The following FRK variants were observed in gnomAD, a reference collection of about 807,000 sequenced individuals.
FRK encodes the protein fyn related Src family tyrosine kinase, also known as tyrosine-protein kinase FRK.
In FRK, 51 loss-of-function variants were observed where a neutral mutation model predicts 56.4. That is an observed-to-expected ratio of 0.90 (90% CI 0.72 to 1.14). The LOEUF is 1.14. FRK is among the 50% of genes most tolerant of loss of function. The pLI, the probability that FRK is intolerant of heterozygous loss-of-function variation, is 0.00. For missense variants in FRK, 570 were observed against 601.4 expected, an observed-to-expected ratio of 0.95 and a Z score of 0.55; for synonymous variants, 245 against 217.9, an observed-to-expected ratio of 1.12 and a Z score of -1.10.
At chr6:116,092,737 C>T in the FRK span, among the ~76,000 whole-genome samples, 96 of 152,232 alleles carry the variant, frequency 6.3e-4, no homozygotes, top group Non-Finnish European at 9.3e-4. Context: ...GCAACTATTC[C>T]GATCAGCAGG....
At chr6:115,953,988 A>T (rs1772891419) in intron 5 of FRK, among the ~76,000 whole-genome samples, 1 of 152,242 alleles carries the variant, frequency 6.6e-6, no homozygotes, top group African/African-American at 2.4e-5. Flanking sequence ...AGATAAAATA[A>T]AAAGCAAGGG....
the FRK span, among the ~76,000 whole-genome samples, chr6:116,087,222 A>G: frequency 6.6e-6 from 1 of 152,208 alleles, no homozygotes; most frequent in African/African-American, 2.4e-5. Flanking sequence ...TTTTTATGGT[A>G]GCTACCATAG....
In FRK at chr6:115,968,672, C is replaced by T. The variant is rs201622961; in HGVS notation, c.534G>A (p.Thr178=). 4.1e-5 allele frequency: 66 copies of T among 1,613,720 alleles called. No homozygotes were observed. The Admixed American group carries it at 4.2e-4, about 10-fold the overall frequency. ...TCAGTGTTGAAAAGATTCTTCTTCG[C>T]GTGAGAAAAAATCCCCCTTCATCCA... The part of the protein sequence containing the change: ...KRLDEGGFFL[T]RRRIFSTLNE... Residue 178 remains threonine (T), a synonymous_variant, in exon 3 of 8, where the codon ACG becomes ACA. Coordinates refer to ENST00000606080, the MANE Select transcript of FRK (RefSeq NM_002031.3).
At chr6:116,000,120 T>TAG (rs1774996533) in intron 2 of FRK, among the ~76,000 whole-genome samples, 1 of 152,044 alleles carries the variant, frequency 6.6e-6, no homozygotes, top group Admixed American at 6.6e-5. Context: ...ACATTCTACT[T>TAG]AGAGAGTATT....
intron 1 of FRK, among the ~76,000 whole-genome samples, chr6:116,041,156 G>T (rs530486074): frequency 2.0e-4 from 31 of 152,320 alleles, no homozygotes; most frequent in Non-Finnish European, 4.1e-4. Flanking sequence ...AGATAGCACA[G>T]AGTTCAAAGT....
chr6:115,939,329 T>C lies in FRK; in HGVS notation c.*3085A>G, dbSNP rs536710590. 2.7e-4 allele frequency: 41 copies of C among 152,272 alleles called. No homozygotes were observed. The highest frequency in any genetic ancestry group is 8.9e-4 in the African/African-American group (37 of 41,562). The allele number at this position is 152,272 out of a possible 1,614,324, so 9.4% of individuals were successfully genotyped here. On this transcript the variant is annotated 3_prime_UTR_variant, in exon 8 of 8. Coordinates refer to ENST00000606080, the MANE Select transcript of FRK (RefSeq NM_002031.3). ...CAATAAACTAGGTATTGATGGAACGTAGCTCAAAAAAAATGACAGATTTAA... is the reference window on the plus strand; with the variant it reads ...CAATAAACTAGGTATTGATGGAACGCAGCTCAAAAAAAATGACAGATTTAA...
chr6:115,967,680 C>T lies in FRK; in HGVS notation c.670G>A (p.Val224Met), dbSNP rs555269385. 1.6e-5 allele frequency: 25 copies of T among 1,610,844 alleles called. No homozygotes were observed. The highest frequency in any genetic ancestry group is 1.1e-4 in the East Asian group (5 of 44,802). The change falls in exon 4 of 8, where the codon GTG becomes ATG. Residue 224 changes from valine (V) to methionine (M), a missense_variant. Val to Met is a conservative substitution (Grantham distance 21). Coordinates refer to ENST00000606080, the MANE Select transcript of FRK (RefSeq NM_002031.3). The part of the protein sequence containing the change: ...PAPFDLSYKT[V>M]DQWEIDRNSI... ...TTGCGGTCTATCTCCCATTGGTCCACGGTTTTATACGACAAATCAAATGGA... is the reference window on the plus strand; with the variant it reads ...TTGCGGTCTATCTCCCATTGGTCCATGGTTTTATACGACAAATCAAATGGA...
chr6:115,981,278 T>C (rs1343261447), intron 2 of FRK, among the ~76,000 whole-genome samples: 1 of 152,112 alleles, frequency 6.6e-6, no homozygotes, highest in Non-Finnish European at 1.5e-5. Flanking sequence ...GAAAAGAGAA[T>C]ATGATATGTG....
intron 5 of FRK, among the ~76,000 whole-genome samples, chr6:115,949,546 T>C (rs1042717158): frequency 3.9e-5 from 6 of 152,194 alleles, no homozygotes; most frequent in African/African-American, 1.4e-4. Flanking sequence ...CACAGACAAA[T>C]GGAAAAATAT....
rs149341971 is a variant in FRK, at chr6:115,943,148, A to C, written c.1178T>G (p.Ile393Arg). ...CGCAGTCCACTTCACCGGCAGCTTT[A>C]TTTCGTGTCTAGATTCATAGATGTC... ...NEDIYESRHE[I>R]KLPVKWTAPE... Residue 393 changes from isoleucine to arginine, a missense_variant, in exon 7 of 8, where the codon ATA becomes AGA. By Grantham distance (97) the Ile-to-Arg change is moderately conservative. Transcript: ENST00000606080. 3.1e-4 allele frequency: 502 copies of C among 1,612,568 alleles called. 1 individual carries two copies. The Middle Eastern group carries it at 4.1e-3, about 13-fold the overall frequency.
chr6:116,061,768 T>C (rs758469208), upstream of FRK, among the ~76,000 whole-genome samples: 7 of 152,116 alleles, frequency 4.6e-5, no homozygotes, highest in Non-Finnish European at 1.0e-4. Flanking sequence ...GAAGTGTCAC[T>C]GATCTCTCTA....
intron 5 of FRK, among the ~76,000 whole-genome samples, chr6:115,951,061 C>G (rs1772727731): frequency 6.6e-6 from 1 of 152,064 alleles, no homozygotes; most frequent in South Asian, 2.1e-4. Flanking sequence ...GGAGAAATAC[C>G]TAATGTAGAT....
chr6:116,005,458 C>A (rs1249045987), intron 1 of FRK, among the ~76,000 whole-genome samples: 1 of 152,126 alleles, frequency 6.6e-6, no homozygotes, highest in Non-Finnish European at 1.5e-5. Flanking sequence ...TTTAAAGATT[C>A]TACTCAGGAA....
intron 5 of FRK, among the ~76,000 whole-genome samples, chr6:115,946,240 C>A (rs183791052): frequency 6.6e-6 from 1 of 152,064 alleles, no homozygotes; most frequent in Admixed American, 6.6e-5. Context: ...GGCCAGGAAA[C>A]CTGGTTTGAA....
At chr6:115,944,896 G>C (rs1047265224) in intron 5 of FRK, among the ~76,000 whole-genome samples, 3 of 151,932 alleles carry the variant, frequency 2.0e-5, no homozygotes, top group African/African-American at 7.3e-5. Context: ...CCCTCTCATA[G>C]GACCCAGTAT....
At chr6:116,076,413 T>C in the FRK span, among the ~76,000 whole-genome samples, 1 of 152,250 alleles carries the variant, frequency 6.6e-6, no homozygotes, top group African/African-American at 2.4e-5. Context: ...TAATTTCAAC[T>C]ATTGAGTCAT....
chr6:115,996,508 T>TA (rs1450097367), intron 2 of FRK, among the ~76,000 whole-genome samples: 1 of 152,130 alleles, frequency 6.6e-6, no homozygotes, highest in Non-Finnish European at 1.5e-5. Context: ...AAAGTCTTAT[T>TA]ACCTGGAAAA....
At position 115,931,630 on chromosome 6, in the gene FRK, T is replaced by C. The variant is rs1446992797; in HGVS notation, c.*10784A>G. The C allele has an allele frequency of 6.6e-6, 1 of 152,196 alleles. No homozygotes were observed. The highest frequency in any genetic ancestry group is 1.5e-5 in the Non-Finnish European group (1 of 68,012). The allele number at this position is 152,196 out of a possible 1,614,324, so 9.4% of individuals were successfully genotyped here. On this transcript the variant is annotated 3_prime_UTR_variant, in exon 8 of 8. Coordinates refer to ENST00000606080, the MANE Select transcript of FRK (RefSeq NM_002031.3). ...TATTTTTTGAATCAATAATTAAATA[T>C]AGATTTTGAAAATTGATTAAAAGCT... is the stretch of plus-strand genomic sequence containing the variant.
chr6:115,994,158 T>G (rs1380275380), intron 2 of FRK, among the ~76,000 whole-genome samples: 2 of 152,082 alleles, frequency 1.3e-5, no homozygotes, highest in Non-Finnish European at 2.9e-5. Context: ...GACTTTAGTA[T>G]GCTTTGTCAA....
Sources: gnomAD v4.1 joint callset for allele counts (sites outside exome capture counted in the v4.1 genomes callset) on GRCh38, gnomAD v4.1.1 for gene constraint, MANE v1.5 for transcripts, NCBI Gene and HGNC (gene_info 2026-07-23, HGNC 2026-07-21) for gene names.